Variants in PACSIN1 observed in about 807,000 individuals in gnomAD.
PACSIN1 encodes protein kinase C and casein kinase substrate in neurons 1, also known as protein kinase C and casein kinase substrate in neurons protein 1.
A neutral mutation model predicts 59.5 loss-of-function variants in PACSIN1; 15 were observed. That is an observed-to-expected ratio of 0.25 (90% CI 0.17 to 0.39). The LOEUF is 0.39. Among genes scored for constraint, PACSIN1 ranks in the 10% least tolerant of loss-of-function variants. PACSIN1 has a pLI of 1.00. For missense variants in PACSIN1, 420 were observed against 580.2 expected (o/e 0.72, Z 2.84); for synonymous variants, 210 against 220.6 (o/e 0.95, Z 0.42).
chr6:34,510,329 A>G (rs1386269932), intron 1 of PACSIN1, among the ~76,000 whole-genome samples: 5 of 152,158 alleles, frequency 3.3e-5, no homozygotes, highest in Non-Finnish European at 7.4e-5. Context: ...AAAAATACCA[A>G]TGGCTTCCCT....
rs547909275 is a variant in PACSIN1, at chr6:34,474,673, C to A, written c.-64+8403C>A. On this transcript the variant is annotated intron_variant, in intron 1 of 9. Transcript: ENST00000244458. ...GGTGTGATGGCACACACCTGTAGTC[C>A]CAGCTACTCAGGAGCCTGAGGCAGG... Among the ~76,000 whole-genome samples the A allele has an allele frequency of 6.6e-5, 10 of 151,490 alleles. No homozygotes were observed. The East Asian group carries it at 1.4e-3, about 21-fold the overall frequency.
intron 1 of PACSIN1, among the ~76,000 whole-genome samples, chr6:34,507,987 T>A (rs1291958909): frequency 6.6e-6 from 1 of 152,270 alleles, no homozygotes; most frequent in East Asian, 1.9e-4. Context: ...TCTTGGTAAC[T>A]GTGAATAATG....
Position 34,531,294 on chromosome 6 carries a change from C to T in PACSIN1, c.1038-306C>T, listed in dbSNP as rs893342418. ...AAACCTCAGAGCCAGATATGTTGCCCAGGAGGTCTGACTCCAGGATCCTTG... is the reference window on the plus strand; with the variant it reads ...AAACCTCAGAGCCAGATATGTTGCCTAGGAGGTCTGACTCCAGGATCCTTG... On this transcript the variant is annotated intron_variant, in intron 8 of 9. Transcript: ENST00000244458. This position sits in a 1 kb window ranked among gnomAD's most constrained non-coding sequence, Gnocchi z 4.4. 2.0e-5 allele frequency among the ~76,000 whole-genome samples: 3 copies of T among 152,186 alleles called. No individual in the cohort carries two copies. The highest frequency in any genetic ancestry group is 4.4e-5 in the Non-Finnish European group (3 of 68,032).
Position 34,530,279 on chromosome 6 carries a change from C to G in PACSIN1, c.825C>G (p.Ile275Met), listed in dbSNP as rs200604835. The change falls in exon 7 of 10, where the codon ATC becomes ATG. Residue 275 changes from isoleucine to methionine, a missense_variant. Transcript: ENST00000244458. The surrounding 1 kb of genome is among the most constrained non-coding windows in gnomAD (Gnocchi z 4.4). ...TGTACCGTGAGCTGGAGCAGGCCAT[C>G]CGGGGGGCTGATGCCCAGGAAGACC... ...IHVYRELEQA[I>M]RGADAQEDLR... The G allele has an allele frequency of 6.2e-7, 1 of 1,614,108 alleles. No individual in the cohort carries two copies. The highest frequency in any genetic ancestry group is 1.3e-5 in the African/African-American group (1 of 75,044).
intron 1 of PACSIN1, among the ~76,000 whole-genome samples, chr6:34,487,075 T>C (rs993845037): frequency 6.7e-6 from 1 of 149,016 alleles, no homozygotes; most frequent in Non-Finnish European, 1.5e-5. Flanking sequence ...GAGGCTGAGG[T>C]GGGAGGATCA....
At chr6:34,508,399 C>G (rs1767148789) in intron 1 of PACSIN1, among the ~76,000 whole-genome samples, 1 of 152,020 alleles carries the variant, frequency 6.6e-6, no homozygotes, top group African/African-American at 2.4e-5. Context: ...GCCACCGTGC[C>G]CAGCAGTAGT....
chr6:34,483,558 A>G (rs759098174), intron 1 of PACSIN1, among the ~76,000 whole-genome samples: 2 of 150,988 alleles, frequency 1.3e-5, no homozygotes, highest in Non-Finnish European at 2.9e-5. Flanking sequence ...CCAAACCTCC[A>G]AACTCCACCG....
chr6:34,531,474 T>C lies in PACSIN1; in HGVS notation c.1038-126T>C. The C allele has an allele frequency of 1.1e-6, 1 of 901,236 alleles. No individual in the cohort carries two copies. Among genetic ancestry groups the C allele is most frequent in the Non-Finnish European group, 1.7e-6 (1 of 573,246 alleles). 55.8% of individuals were successfully genotyped at this position (901,236 alleles called of 1,614,324 possible). A position where few individuals can be genotyped will look rare whatever the true frequency, so the allele number is the denominator to read the frequency against. On this transcript the variant is annotated intron_variant, in intron 8 of 9. Coordinates refer to ENST00000244458, the MANE Select transcript of PACSIN1 (RefSeq NM_020804.5). The surrounding 1 kb of genome is among the most constrained non-coding windows in gnomAD (Gnocchi z 4.4). ...AAGAGCTCATGAGGGTCACCCCTCC[T>C]ATGTGGCCAATCCTTGCTCTAGCCT... is the stretch of plus-strand genomic sequence containing the variant.
intron 1 of PACSIN1, among the ~76,000 whole-genome samples, chr6:34,508,351 C>T (rs1217691353): frequency 3.9e-5 from 6 of 152,180 alleles, no homozygotes; most frequent in East Asian, 1.9e-4. Context: ...GTGACCCACC[C>T]GCCTCAGCCT....
chr6:34,474,793 A>G (rs1766615679), intron 1 of PACSIN1, among the ~76,000 whole-genome samples: 1 of 146,958 alleles, frequency 6.8e-6, no homozygotes, highest in South Asian at 2.2e-4. Flanking sequence ...TGTCTCAGAA[A>G]AAAAAAAAAA....
intron 1 of PACSIN1, among the ~76,000 whole-genome samples, chr6:34,506,076 G>A (rs976041811): frequency 3.3e-5 from 5 of 152,084 alleles, no homozygotes; most frequent in African/African-American, 4.8e-5. Context: ...TCATAATTGC[G>A]TGCTGAAGCA....
At chr6:34,517,455 G>T (rs957669507) in intron 1 of PACSIN1, among the ~76,000 whole-genome samples, 6 of 151,944 alleles carry the variant, frequency 3.9e-5, no homozygotes, top group African/African-American at 1.2e-4. Flanking sequence ...AAAGCTAAAG[G>T]CCTCCCTCTG....
At position 34,529,671 on chromosome 6, in the gene PACSIN1, G is replaced by A; in HGVS notation, c.618G>A (p.Gln206=). 1 of 1,614,098 alleles carries A rather than the reference G, an allele frequency of 6.2e-7. No homozygotes were observed. The highest frequency in any genetic ancestry group is 8.5e-7 in the Non-Finnish European group (1 of 1,179,970). The change falls in exon 6 of 10, where the codon CAG becomes CAA. Residue 206 remains glutamine (Q), a synonymous_variant. Transcript: ENST00000244458. The surrounding 1 kb of genome is among the most constrained non-coding windows in gnomAD (Gnocchi z 6.3). ...CTCCACTCTGGTGCCCACAGACACA[G>A]GAGAAGTATGAGAAAGTGCTGGAAG... ...DKCKQDVQKT[Q]EKYEKVLEDV...
intron 1 of PACSIN1, among the ~76,000 whole-genome samples, chr6:34,481,225 T>C (rs1414724852): frequency 2.0e-5 from 3 of 152,040 alleles, no homozygotes; most frequent in East Asian, 1.9e-4. Context: ...TTTGTTTCTT[T>C]AGTATCTTTA....
At chr6:34,478,090 C>T (rs1561955782) in intron 1 of PACSIN1, among the ~76,000 whole-genome samples, 2 of 142,278 alleles carry the variant, frequency 1.4e-5, no homozygotes, top group East Asian at 4.1e-4. Context: ...GACAAAGTCT[C>T]GCTCTGACGC....
Position 34,532,375 on chromosome 6 carries a change from A to T in PACSIN1, c.1226-46A>T. On this transcript the variant is annotated intron_variant, in intron 9 of 9. Transcript: ENST00000244458. The surrounding 1 kb of genome is among the most constrained non-coding windows in gnomAD (Gnocchi z 5.2). ...CCCCTAGCAGCCGGTGCGTTGAGGGAGGGGCAGCCTTCTCTCTGAGCCCCT... is the reference window on the plus strand; with the variant it reads ...CCCCTAGCAGCCGGTGCGTTGAGGGTGGGGCAGCCTTCTCTCTGAGCCCCT... 1 of 1,304,098 alleles carries T rather than the reference A, an allele frequency of 7.7e-7. No individual in the cohort carries two copies. Among genetic ancestry groups the T allele is most frequent in the East Asian group, 2.5e-5 (1 of 39,716 alleles). The allele number at this position is 1,304,098 out of a possible 1,614,324, so 80.8% of individuals were successfully genotyped here.
Position 34,529,644 on chromosome 6 carries a change from C to T in PACSIN1, c.613-22C>T, listed in dbSNP as rs766765276. The T allele has an allele frequency of 1.1e-5, 17 of 1,612,984 alleles. No homozygotes were observed. The Admixed American group carries it at 2.5e-4, about 24-fold the overall frequency. ...TGCAGGCCTGGCTAGGTGTCACCCTCTCTCCACTCTGGTGCCCACAGACAC... is the reference window on the plus strand; with the variant it reads ...TGCAGGCCTGGCTAGGTGTCACCCTTTCTCCACTCTGGTGCCCACAGACAC... On this transcript the variant is annotated intron_variant, in intron 5 of 9. Coordinates refer to ENST00000244458, the MANE Select transcript of PACSIN1 (RefSeq NM_020804.5). This position sits in a 1 kb window ranked among gnomAD's most constrained non-coding sequence, Gnocchi z 6.3.
At chr6:34,480,110 G>A (rs1480721356) in intron 1 of PACSIN1, among the ~76,000 whole-genome samples, 1 of 152,006 alleles carries the variant, frequency 6.6e-6, no homozygotes, top group East Asian at 1.9e-4. Context: ...ACAGGCATGA[G>A]CCACCACTCC....
At chr6:34,489,239 G>A (rs1216312013) in intron 1 of PACSIN1, among the ~76,000 whole-genome samples, 5 of 151,918 alleles carry the variant, frequency 3.3e-5, no homozygotes, top group African/African-American at 1.2e-4. Context: ...TTGAAATTGT[G>A]GAATGTCTAA....
Sources: allele counts gnomAD v4.1 joint callset (sites outside exome capture counted in the v4.1 genomes callset), GRCh38; gene constraint gnomAD v4.1.1; non-coding constraint Gnocchi (gnomAD v3.1); transcripts MANE v1.5; gene names NCBI Gene and HGNC (gene_info 2026-07-23, HGNC 2026-07-21).